ATXN8OS: variants seen among roughly 807,000 people sequenced by gnomAD.
ATXN8OS encodes the protein ATXN8 opposite strand (non-protein coding).
intron 4 of ATXN8OS, among the ~76,000 whole-genome samples, chr13:70,166,743 T>C (rs1335916614): frequency 1.3e-5 from 2 of 151,954 alleles, no homozygotes; most frequent in African/African-American, 4.8e-5. Flanking sequence ...ACCTACACAA[T>C]GGGAGAAAAT....
At chr13:70,154,223 G>T (rs1239750694) in intron 4 of ATXN8OS, among the ~76,000 whole-genome samples, 8 of 152,090 alleles carry the variant, frequency 5.3e-5, no homozygotes, top group African/African-American at 1.7e-4. Flanking sequence ...ATAAAGTTTT[G>T]TTCCCAGTCC....
chr13:70,111,745 G>A (rs1392520166), intron 1 of ATXN8OS, among the ~76,000 whole-genome samples: 8 of 152,080 alleles, frequency 5.3e-5, no homozygotes, highest in Admixed American at 4.6e-4. Flanking sequence ...TCCAGGAAAA[G>A]CAATTTTTTT....
chr13:70,163,890 T>A (rs1889040394), intron 4 of ATXN8OS, among the ~76,000 whole-genome samples: 1 of 151,426 alleles, frequency 6.6e-6, no homozygotes, highest in Admixed American at 6.6e-5. Context: ...ATCATGGTTT[T>A]TTTTTTAATG....
chr13:70,130,951 G>A (rs1010474434), intron 3 of ATXN8OS: 6 of 398,312 alleles, frequency 1.5e-5, no homozygotes, highest in Admixed American at 4.4e-5. Flanking sequence ...GGAAGATGAC[G>A]TATTTTAATA....
At chr13:70,164,055 C>CTTA (rs56827181) in intron 4 of ATXN8OS, among the ~76,000 whole-genome samples, 2,917 of 28,966 alleles carry the variant, frequency 0.1, 58 homozygotes, top group African/African-American at 0.14. Context: ...AGTTTTTATT[C>CTTA]TTATTATTAT....
At chr13:70,148,923 A>C (rs1376473721) in intron 4 of ATXN8OS, among the ~76,000 whole-genome samples, 2 of 152,172 alleles carry the variant, frequency 1.3e-5, no homozygotes, top group African/African-American at 4.8e-5. Context: ...TGCAAGTTGG[A>C]ATAACATTCT....
rs866404212 is a variant in ATXN8OS at position 70,145,395 on chromosome 13, T to C, written n.500-1960T>C. The stretch of plus-strand genomic sequence containing the variant: ...TTTTCCAATTCTGTGAAGAAAGTCA[T>C]TGGTAGCTTGATGGGGATGGCATTG... On this transcript the variant is annotated intron_variant and non_coding_transcript_variant, in intron 3 of 4. Transcript: ENST00000678624. 4.9e-3 allele frequency among the ~76,000 whole-genome samples: 742 copies of C among 151,846 alleles called. 5 individuals are homozygous for C. Among genetic ancestry groups the C allele is most frequent in the African/African-American group, 0.017 (703 of 41,454 alleles).
chr13:70,148,457 A>G (rs886099779), intron 4 of ATXN8OS, among the ~76,000 whole-genome samples: 6 of 152,138 alleles, frequency 3.9e-5, no homozygotes, highest in African/African-American at 1.4e-4. Context: ...CAAAAGAGAA[A>G]GGATATGAGG....
chr13:70,159,699 A>G (rs1888980417), intron 4 of ATXN8OS, among the ~76,000 whole-genome samples: 1 of 152,048 alleles, frequency 6.6e-6, no homozygotes, highest in African/African-American at 2.4e-5. Flanking sequence ...TGTAGCCAAA[A>G]CTTTGCCTGA....
intron 4 of ATXN8OS, among the ~76,000 whole-genome samples, chr13:70,151,557 C>G (rs1888867761): frequency 6.6e-6 from 1 of 152,098 alleles, no homozygotes; most frequent in East Asian, 1.9e-4. Flanking sequence ...AGGTTAGTTG[C>G]AAGTCAATAA....
intron 3 of ATXN8OS, among the ~76,000 whole-genome samples, chr13:70,139,830 A>G (rs903525942): frequency 2.6e-5 from 4 of 152,156 alleles, no homozygotes; most frequent in African/African-American, 9.7e-5. Flanking sequence ...TGACATTTCT[A>G]TACAACTATT....
At chr13:70,131,076 C>A in intron 3 of ATXN8OS, 1 of 398,508 alleles carries the variant, frequency 2.5e-6, no homozygotes, top group Admixed American at 4.4e-5. Context: ...TTTGTCTTAT[C>A]TCTTATCCAC....
rs571763016 is a variant in ATXN8OS at position 70,148,713 on chromosome 13, AT to A, written n.573+1289del. On this transcript the variant is annotated intron_variant and non_coding_transcript_variant, in intron 4 of 4. Coordinates refer to ENST00000678624, the Ensembl canonical transcript of ATXN8OS. ...TAAACTAAAATTTCTCCTGAGATTC[AT>A]TTTAGAAGAATTTTCTAGGCAAGTG... Among the ~76,000 whole-genome samples, 18 of 152,226 alleles carry A rather than the reference AT, an allele frequency of 1.2e-4. No individual in the cohort carries two copies. In the South Asian group the frequency reaches 3.5e-3, roughly 30 times the overall value.
intron 2 of ATXN8OS, among the ~76,000 whole-genome samples, chr13:70,116,722 A>C (rs1037178159): frequency 6.6e-6 from 1 of 152,168 alleles, no homozygotes; most frequent in African/African-American, 2.4e-5. Flanking sequence ...ATGTGATAGG[A>C]ATAAACAGAA....
At chr13:70,112,809 T>C (rs1888215722) in intron 1 of ATXN8OS, among the ~76,000 whole-genome samples, 1 of 151,900 alleles carries the variant, frequency 6.6e-6, no homozygotes, top group Non-Finnish European at 1.5e-5. Context: ...TCTTTTTATT[T>C]CCCAAAATTC....
At chr13:70,155,386 T>C (rs925246324) in intron 4 of ATXN8OS, among the ~76,000 whole-genome samples, 1 of 152,152 alleles carries the variant, frequency 6.6e-6, no homozygotes, top group Non-Finnish European at 1.5e-5. Context: ...ATTTGGTCCA[T>C]AAGAAACATA....
intron 4 of ATXN8OS, among the ~76,000 whole-genome samples, chr13:70,148,776 T>C (rs1888823926): frequency 6.6e-6 from 1 of 152,106 alleles, no homozygotes; most frequent in African/African-American, 2.4e-5. Context: ...GCTGTTTTTA[T>C]TATTTAAGAA....
At chr13:70,137,654 A>T (rs1485596248) in intron 3 of ATXN8OS, among the ~76,000 whole-genome samples, 1 of 152,156 alleles carries the variant, frequency 6.6e-6, no homozygotes, top group African/African-American at 2.4e-5. Context: ...TTCAGCAATG[A>T]TACTGTTTTT....
chr13:70,113,902 G>A (rs538997061), intron 1 of ATXN8OS, among the ~76,000 whole-genome samples: 3 of 152,194 alleles, frequency 2.0e-5, no homozygotes, highest in South Asian at 4.2e-4. Flanking sequence ...TGGATGTAAC[G>A]TAAATTACAA....
Sources: gnomAD v4.1 joint callset for allele counts (sites outside exome capture counted in the v4.1 genomes callset) on GRCh38, gnomAD v4.1.1 for gene constraint, MANE v1.5 for transcripts, NCBI Gene and HGNC (gene_info 2026-07-23, HGNC 2026-07-21) for gene names.